Variants in HSF1 observed in about 807,000 individuals in gnomAD.
The protein encoded by HSF1 is heat shock transcription factor 1.
In HSF1, 32 loss-of-function variants were observed where a neutral mutation model predicts 51.7. The observed-to-expected ratio is 0.62, with a 90% confidence interval of 0.47 to 0.83. HSF1 has a LOEUF of 0.83. HSF1 is among the 40% of genes least tolerant of loss of function. The probability of loss-of-function intolerance (pLI) is 0.00; values close to 1 mark genes in which losing one functional copy is unlikely to be tolerated. For synonymous variants in HSF1, 396 were observed against 309.7 expected, an observed-to-expected ratio of 1.28 and a Z score of -2.92; for missense variants, 727 against 717.0, an observed-to-expected ratio of 1.01 and a Z score of -0.16.
In HSF1 at chr8:144,302,114, C is replaced by T. The variant is rs191702669; in HGVS notation, c.118-6792C>T. Among the ~76,000 whole-genome samples, 864 of 143,854 alleles carry T rather than the reference C, an allele frequency of 6.0e-3. 6 individuals carry two copies. The highest frequency in any genetic ancestry group is 0.021 in the African/African-American group (820 of 38,670). The allele number at this position is 143,854 out of a possible 152,430, so 94.4% of individuals were successfully genotyped here. On this transcript the variant is annotated intron_variant, in intron 1 of 12. Coordinates refer to ENST00000528838, the MANE Select transcript of HSF1 (RefSeq NM_005526.4). The stretch of plus-strand genomic sequence containing the variant: ...CCAGGAGGCAGAGGCTGCAGTGAGC[C>T]GAAACTGCACCATTGCACTCCAGCC...
chr8:144,309,310 C>T lies in HSF1; in HGVS notation c.227-145C>T, dbSNP rs574998284. 2.6e-5 allele frequency: 30 copies of T among 1,165,392 alleles called. No individual in the cohort carries two copies. In the East Asian group the frequency reaches 2.7e-4, roughly 10 times the overall value. The allele number at this position is 1,165,392 out of a possible 1,614,324, so 72.2% of individuals were successfully genotyped here. A position where few individuals can be genotyped will look rare whatever the true frequency, so the allele number is the denominator to read the frequency against. On this transcript the variant is annotated intron_variant, in intron 2 of 12. Coordinates refer to ENST00000528838, the MANE Select transcript of HSF1 (RefSeq NM_005526.4). The stretch of plus-strand genomic sequence containing the variant: ...GGGTCTCCCTTAGACCAAGGCCACT[C>T]GGCCACCCAGGCATGGGCTCTGAGG...
chr8:144,310,699 C>G (rs1257484160), intron 4 of HSF1: 2 of 189,472 alleles, frequency 1.1e-5, no homozygotes, highest in African/African-American at 4.7e-5. Flanking sequence ...GCTCACCTGG[C>G]TGGGGACAGC....
chr8:144,310,076 TG>T, intron 4 of HSF1, 180 bp downstream of exon 4: 1 of 686,694 alleles, frequency 1.5e-6, no homozygotes, highest in East Asian at 2.8e-5. Context: ...GCAACAGCTC[TG>T]GGGCCAGCCG....
In HSF1 at chr8:144,311,495, T is replaced by C. The variant is rs1554844479; in HGVS notation, c.627-10T>C. On this transcript the variant is annotated splice_polypyrimidine_tract_variant and intron_variant, in intron 6 of 12. Transcript: ENST00000528838. ...GGGGGGTGGTGGCTGACCTGCACCC[T>C]TCCCCACAGCCCCCTGATGCTGAAC... The C allele has an allele frequency of 6.2e-7, 1 of 1,613,334 alleles. No individual in the cohort carries two copies. The highest frequency in any genetic ancestry group is 8.5e-7 in the Non-Finnish European group (1 of 1,179,784).
intron 1 of HSF1, among the ~76,000 whole-genome samples, chr8:144,307,613 A>G (rs1342009979): frequency 5.3e-5 from 8 of 152,172 alleles, no homozygotes; most frequent in African/African-American, 1.2e-4. Context: ...GGTGGCGCCT[A>G]TAGTCAGCTA....
intron 4 of HSF1, 97 bp downstream of exon 4, chr8:144,309,993 G>A: frequency 7.0e-7 from 1 of 1,423,036 alleles, no homozygotes. Context: ...GGGGCCAGGT[G>A]CTCAGCTCCA....
chr8:144,297,624 G>A lies in HSF1; in HGVS notation c.117+5750G>A, dbSNP rs548227863. 1.4e-4 allele frequency among the ~76,000 whole-genome samples: 21 copies of A among 152,282 alleles called. No individual in the cohort carries two copies. In the East Asian group the frequency reaches 3.9e-3, roughly 28 times the overall value. The stretch of plus-strand genomic sequence containing the variant: ...ACTGCTTCCATGCCCTGACTCCGGT[G>A]GTCCCTGCTCCCCACACGTGGGCCA... On this transcript the variant is annotated intron_variant, in intron 1 of 12. Transcript: ENST00000528838. This position sits in a 1 kb window ranked among gnomAD's most constrained non-coding sequence, Gnocchi z 4.6.
rs1554845953 is a variant in HSF1, at chr8:144,314,012, C to T, written c.1342C>T (p.Pro448Ser). 1.1e-5 allele frequency: 17 copies of T among 1,610,080 alleles called. No individual in the cohort carries two copies. The highest frequency in any genetic ancestry group is 1.4e-5 in the Non-Finnish European group (17 of 1,179,080). ...CCAAGAGCTCCTGTCTCCCCAGGAG[C>T]CCCCCAGGCCTCCCGAGGCAGAGAA... ...SIQELLSPQE[P>S]PRPPEAENSS... The change falls in exon 12 of 13, where the codon CCC becomes TCC. Residue 448 changes from proline (P) to serine (S), a missense_variant. Coordinates refer to ENST00000528838, the MANE Select transcript of HSF1 (RefSeq NM_005526.4).
rs782227489 is a variant in HSF1 at position 144,314,228 on chromosome 8, G to C, written c.1488G>C (p.Glu496Asp). 5.0e-5 allele frequency: 78 copies of C among 1,550,170 alleles called. No homozygotes were observed. Among genetic ancestry groups the C allele is most frequent in the Non-Finnish European group, 6.6e-5 (76 of 1,146,946 alleles). The change falls in exon 13 of 13, where the codon GAG becomes GAC. Residue 496 changes from glutamate to aspartate, a missense_variant. Coordinates refer to ENST00000528838, the MANE Select transcript of HSF1 (RefSeq NM_005526.4). The stretch of plus-strand genomic sequence containing the variant: ...TGCCGGTGCTGTTTGAGCTGGGAGA[G>C]GGCTCCTACTTCTCCGAAGGGGACG... ...NDLPVLFELG[E>D]GSYFSEGDGF...
chr8:144,309,643 C>CCCCCCCCCCCCCCCGGGGGG, intron 3 of HSF1, 52 bp downstream of exon 3: 2 of 1,603,302 alleles, frequency 1.2e-6, no homozygotes, highest in Non-Finnish European at 8.5e-7. Context: ...CAGCTCTCCC[C>CCCCCCCCCCCCCCCGGGGGG]GCCCGCCCCT....
At chr8:144,313,654 C>T in intron 10 of HSF1, 38 bp downstream of exon 10, 1 of 256,850 alleles carries the variant, frequency 3.9e-6, no homozygotes, top group East Asian at 1.2e-4. Context: ...CCCGCCCCGC[C>T]TCCCCGCCGC....
At chr8:144,313,479 A>G in intron 9 of HSF1, 32 bp from the exon 10 acceptor site, 2 of 1,426,140 alleles carry the variant, frequency 1.4e-6, no homozygotes, top group South Asian at 2.3e-5. Flanking sequence ...GGCCTGGGGC[A>G]CTGGTTCAGG....
chr8:144,308,584 C>T (rs1554843675), intron 1 of HSF1, among the ~76,000 whole-genome samples: 1 of 151,542 alleles, frequency 6.6e-6, no homozygotes, highest in Admixed American at 6.6e-5. Context: ...GCGGCGGATG[C>T]TTTGTGAGTG....
chr8:144,308,779 T>TGGCCCCAGCCCCATCAGGTGA, intron 1 of HSF1, 127 bp from the exon 2 acceptor site: 2 of 761,446 alleles, frequency 2.6e-6, no homozygotes, highest in South Asian at 3.1e-5. Context: ...GGGCCTCCCA[T>TGGCCCCAGCCCCATCAGGTGA]GGCCCCAGCC....
chr8:144,302,690 T>G (rs986778510), intron 1 of HSF1, among the ~76,000 whole-genome samples: 2 of 149,756 alleles, frequency 1.3e-5, no homozygotes, highest in Admixed American at 6.6e-5. Flanking sequence ...GATGTGGTGG[T>G]GTGCTCCTGT....
intron 1 of HSF1, among the ~76,000 whole-genome samples, chr8:144,294,998 C>A (rs996444200): frequency 7.2e-5 from 11 of 152,230 alleles, no homozygotes; most frequent in Non-Finnish European, 1.6e-4. Flanking sequence ...ACCACTGAGA[C>A]CCAAAGACGG....
chr8:144,309,082 G>A (rs1037235904), intron 2 of HSF1, 68 bp downstream of exon 2: 3 of 1,229,632 alleles, frequency 2.4e-6, no homozygotes, highest in Non-Finnish European at 3.6e-6. Context: ...ACCCCAGCAG[G>A]AGGACCCTGT....
intron 2 of HSF1, chr8:144,309,228 G>C (rs984160002): frequency 7.6e-5 from 51 of 670,174 alleles, no homozygotes; most frequent in Admixed American, 1.7e-4. Context: ...TGGAAGAACC[G>C]TGAAGCCGGA....
At chr8:144,312,943 C>T (rs1362909186) in intron 9 of HSF1, 13 of 580,994 alleles carry the variant, frequency 2.2e-5, no homozygotes, top group South Asian at 4.0e-5. Context: ...TCTGGCACGG[C>T]CTCTGGTGTT....
Sources: gnomAD v4.1 joint callset for allele counts (sites outside exome capture counted in the v4.1 genomes callset) on GRCh38, gnomAD v4.1.1 for gene constraint, Gnocchi (gnomAD v3.1) non-coding constraint, MANE v1.5 for transcripts, NCBI Gene and HGNC (gene_info 2026-07-23, HGNC 2026-07-21) for gene names.